Variants in AXL observed in about 807,000 individuals in gnomAD.
AXL encodes the protein AXL receptor tyrosine kinase.
AXL carries 52 observed loss-of-function variants against 104.5 expected under a neutral mutation model. The ratio of observed to expected loss-of-function variants is 0.50; its 90% CI spans 0.40 to 0.63. The LOEUF (loss-of-function observed/expected upper bound fraction) is 0.63. Ranked by LOEUF, AXL falls within the 20% of genes least tolerant of loss-of-function variation. The pLI is 0.00. For missense variants in AXL, 1,024 were observed against 1,188.5 expected, an observed-to-expected ratio of 0.86 and a Z score of 2.04; for synonymous variants, 455 against 473.7, an observed-to-expected ratio of 0.96 and a Z score of 0.51.
Position 41,239,190 on chromosome 19 carries a change from A to C in AXL, c.1161A>C (p.Gln387His). ...PEVLMDIGLR[Q>H]EVTLELQGDG... ...TGCTAATGGACATAGGGCTAAGGCA[A>C]GAGGTGACCCTGGAGCTGCAGGGGG... is the stretch of plus-strand genomic sequence containing the variant. The change falls in exon 9 of 20, where the codon CAA becomes CAC. Residue 387 changes from glutamine (Q) to histidine (H), a missense_variant. Coordinates refer to ENST00000301178, the MANE Select transcript of AXL (RefSeq NM_021913.5). 1 of 1,613,382 alleles carries C rather than the reference A, an allele frequency of 6.2e-7. No individual in the cohort carries two copies. The highest frequency in any genetic ancestry group is 8.5e-7 in the Non-Finnish European group (1 of 1,179,566).
chr19:41,227,338 T>A (rs1404940865), intron 4 of AXL, among the ~76,000 whole-genome samples: 1 of 152,176 alleles, frequency 6.6e-6, no homozygotes, highest in East Asian at 1.9e-4. Context: ...GATTGTTTTC[T>A]TACTATAGAT....
intron 4 of AXL, 69 bp from the exon 5 acceptor site, chr19:41,230,898 C>T (rs780321198): frequency 7.8e-6 from 12 of 1,529,304 alleles, no homozygotes; most frequent in Non-Finnish European, 1.1e-5. Flanking sequence ...GTAGGAGTGG[C>T]CCGGCATGGC....
chr19:41,230,153 TTCTGTGTC>T (rs1184248379), intron 4 of AXL, among the ~76,000 whole-genome samples: 1 of 112,140 alleles, frequency 8.9e-6, no homozygotes, highest in East Asian at 2.5e-4. Flanking sequence ...CTGTGTCTGT[TTCTGTGTC>T]TGTGTCTGTG....
intron 17 of AXL, among the ~76,000 whole-genome samples, chr19:41,254,331 C>T (rs1465751339): frequency 8.3e-5 from 12 of 144,702 alleles, no homozygotes; most frequent in African/African-American, 2.3e-4. Context: ...GAGCCGAGAT[C>T]GCATCACTGC....
chr19:41,235,369 AATAGATAGATAGATAGATAGATAGATAG>A (rs71175697), intron 6 of AXL, among the ~76,000 whole-genome samples: 1 of 80,674 alleles, frequency 1.2e-5, no homozygotes, highest in African/African-American at 4.6e-5. Context: ...TAAATAAATA[AATAGATAGATAGATAGATAGATAGATAG>A]ATAGATAGAT....
chr19:41,230,548 G>A (rs75242197), intron 4 of AXL, among the ~76,000 whole-genome samples: 1 of 150,984 alleles, frequency 6.6e-6, no homozygotes, highest in Non-Finnish European at 1.5e-5. Context: ...CTGTGTGTCT[G>A]TGTGTATGAG....
chr19:41,244,989 G>T (rs1407942236), intron 12 of AXL, among the ~76,000 whole-genome samples: 3 of 151,224 alleles, frequency 2.0e-5, no homozygotes, highest in African/African-American at 7.3e-5. Context: ...GGAGTGCAGT[G>T]GCTTGATCTT....
At chr19:41,221,781 G>T in intron 3 of AXL, 99 bp from the exon 4 acceptor site, 1 of 1,328,196 alleles carries the variant, frequency 7.5e-7, no homozygotes, top group Non-Finnish European at 1.0e-6. Flanking sequence ...GACCCTGCAG[G>T]GTGGGTTTGC....
chr19:41,219,605 A>C, intron 1 of AXL, 128 bp downstream of exon 1: 1 of 983,368 alleles, frequency 1.0e-6, no homozygotes, highest in Non-Finnish European at 1.5e-6. Flanking sequence ...GACCACAGAA[A>C]AGGGACTTCA....
intron 3 of AXL, chr19:41,221,517 G>C (rs2033790818): frequency 4.0e-6 from 2 of 501,982 alleles, no homozygotes; most frequent in Non-Finnish European, 7.0e-6. Flanking sequence ...GACACCATCA[G>C]GTCACAGGAG....
Position 41,239,317 on chromosome 19 carries a change from A to G in AXL, c.1285+3A>G. The G allele has an allele frequency of 6.4e-7, 1 of 1,571,132 alleles. No homozygotes were observed. The highest frequency in any genetic ancestry group is 1.2e-5 in the South Asian group (1 of 82,874). Reference sequence around the variant, plus strand: ...ACCCCTGGAGGCCTGGCGCCCAGGTAAGTCCAAAGCCATGCCCAACCTGCT... The same window carrying G: ...ACCCCTGGAGGCCTGGCGCCCAGGTGAGTCCAAAGCCATGCCCAACCTGCT... On this transcript the variant is annotated splice_donor_region_variant and intron_variant, in intron 9 of 19. Transcript: ENST00000301178.
intron 2 of AXL, 43 bp from the exon 3 acceptor site, chr19:41,221,103 G>T (rs1412260760): frequency 1.9e-6 from 3 of 1,578,752 alleles, no homozygotes; most frequent in South Asian, 2.3e-5. Context: ...CCAGTGTCCA[G>T]CTCTGACCCT....
At position 41,225,392 on chromosome 19, in the gene AXL, G is replaced by T. The variant is rs184021623; in HGVS notation, c.586+3336G>T. On this transcript the variant is annotated intron_variant, in intron 4 of 19. Coordinates refer to ENST00000301178, the MANE Select transcript of AXL (RefSeq NM_021913.5). ...ATCTTATGGCGTAGATGGAGGCTTG[G>T]CTGTGAGGTGTACGCGTCGGTGTGT... Among the ~76,000 whole-genome samples, 12 of 152,302 alleles carry T rather than the reference G, an allele frequency of 7.9e-5. No homozygotes were observed. In the East Asian group the frequency reaches 1.3e-3, roughly 17 times the overall value.
intron 4 of AXL, among the ~76,000 whole-genome samples, chr19:41,226,293 G>A (rs1334702656): frequency 6.6e-6 from 1 of 152,172 alleles, no homozygotes; most frequent in Non-Finnish European, 1.5e-5. Flanking sequence ...CAGCTCCCGC[G>A]CGCTGACCCT....
chr19:41,243,608 C>T lies in AXL; in HGVS notation c.1446-8C>T. ...TCCCTGCCCTCACCTACTCCCCCTC[C>T]CCCCCAGAGAAGTGTTTGAACCAAC... On this transcript the variant is annotated splice_region_variant and splice_polypyrimidine_tract_variant and intron_variant, in intron 11 of 19. Transcript: ENST00000301178. 6.2e-7 allele frequency: 1 copy of T among 1,612,264 alleles called. No individual in the cohort carries two copies. The highest frequency in any genetic ancestry group is 8.5e-7 in the Non-Finnish European group (1 of 1,178,372).
At chr19:41,236,145 A>G (rs2034074444) in intron 6 of AXL, among the ~76,000 whole-genome samples, 1 of 151,756 alleles carries the variant, frequency 6.6e-6, no homozygotes, top group Non-Finnish European at 1.5e-5. Context: ...AGCCTGACCA[A>G]CATGATGAAA....
In AXL at chr19:41,257,484, C is replaced by T. The variant is rs1196756831; in HGVS notation, c.2197-9C>T. The T allele has an allele frequency of 6.2e-7, 1 of 1,614,096 alleles. No individual in the cohort carries two copies. The highest frequency in any genetic ancestry group is 1.7e-5 in the Admixed American group (1 of 59,994). On this transcript the variant is annotated splice_polypyrimidine_tract_variant and intron_variant, in intron 18 of 19. Coordinates refer to ENST00000301178, the MANE Select transcript of AXL (RefSeq NM_021913.5). The stretch of plus-strand genomic sequence containing the variant: ...GGAGAGACTGTCTAATTCCCTCTGC[C>T]CCTCACAGTGGTCCTTCGGGGTGAC...
intron 4 of AXL, among the ~76,000 whole-genome samples, chr19:41,230,265 TGA>T (rs1467034052): frequency 1.3e-5 from 2 of 151,554 alleles, no homozygotes; most frequent in East Asian, 1.9e-4. Context: ...TGACTGTGTG[TGA>T]GTCTGTGTGA....
At chr19:41,237,897 G>A (rs753792668) in intron 6 of AXL, 47 bp from the exon 7 acceptor site, 7 of 1,558,316 alleles carry the variant, frequency 4.5e-6, no homozygotes, top group South Asian at 1.1e-5. Context: ...TGACCATCTC[G>A]TGTGATTGCT....
Sources: gnomAD v4.1 joint callset for allele counts (sites outside exome capture counted in the v4.1 genomes callset) on GRCh38, gnomAD v4.1.1 for gene constraint, MANE v1.5 for transcripts, NCBI Gene and HGNC (gene_info 2026-07-23, HGNC 2026-07-21) for gene names.